Variants in NDUFAF6 observed in about 807,000 individuals in gnomAD.
NDUFAF6 encodes NADH dehydrogenase (ubiquinone) complex I, assembly factor 6.
A neutral mutation model predicts 40.8 loss-of-function variants in NDUFAF6; 45 were observed. The observed-to-expected ratio is 1.10, with a 90% CI of 0.87 to 1.42. The LOEUF is 1.42. NDUFAF6 is among the 40% of genes most tolerant of loss of function. The pLI, the probability that NDUFAF6 is intolerant of heterozygous loss-of-function variation, is 0.00. For missense variants in NDUFAF6, 435 were observed against 418.5 expected (o/e 1.04, Z -0.34); for synonymous variants, 185 against 155.9 (o/e 1.19, Z -1.39).
At chr8:95,048,378 G>A in intron 6 of NDUFAF6, 79 bp from the exon 7 acceptor site, 1 of 993,588 alleles carries the variant, frequency 1.0e-6, no homozygotes, top group East Asian at 2.5e-5. Flanking sequence ...TTAATTGTTA[G>A]TTTAATTTTC....
intron 1 of NDUFAF6, 63 bp from the exon 2 acceptor site, chr8:95,031,932 C>T (rs1292387878): frequency 6.8e-7 from 1 of 1,472,030 alleles, no homozygotes; most frequent in Non-Finnish European, 9.5e-7. Context: ...TAATTTTAGT[C>T]AGTATTTTTT....
At chr8:94,967,940 C>CAA (rs56332377) in intron 1 of NDUFAF6, among the ~76,000 whole-genome samples, 13 of 134,840 alleles carry the variant, frequency 9.6e-5, no homozygotes, top group African/African-American at 3.2e-4. Context: ...GACTCTGTCT[C>CAA]AAAAAAAAAA....
intron 1 of NDUFAF6, among the ~76,000 whole-genome samples, chr8:94,897,001 C>T (rs1295431149): frequency 6.6e-6 from 1 of 152,162 alleles, no homozygotes; most frequent in African/African-American, 2.4e-5. Flanking sequence ...GCAGAAGTTG[C>T]CTCCCTTTTG....
At chr8:94,947,075 C>T (rs1051388084) in intron 2 of NDUFAF6, among the ~76,000 whole-genome samples, 1 of 151,984 alleles carries the variant, frequency 6.6e-6, no homozygotes, top group South Asian at 2.1e-4. Context: ...ATGAGGAAAC[C>T]GAGGCTGAGG....
At chr8:94,927,152 A>G (rs1479938438) in intron 1 of NDUFAF6, 1 of 152,658 alleles carries the variant, frequency 6.6e-6, no homozygotes, top group Non-Finnish European at 1.5e-5. Flanking sequence ...ATTTAAATGT[A>G]AATATCTGTC....
chr8:95,111,533 C>G (rs996925023), intron 4 of NDUFAF6, among the ~76,000 whole-genome samples: 1 of 152,184 alleles, frequency 6.6e-6, no homozygotes, highest in Non-Finnish European at 1.5e-5. Flanking sequence ...GCTGTTTAGC[C>G]ATTTGCTTGT....
At chr8:95,094,360 C>CTTTCT (rs1236551468) in intron 2 of NDUFAF6, among the ~76,000 whole-genome samples, 1 of 128,476 alleles carries the variant, frequency 7.8e-6, no homozygotes, top group African/African-American at 2.9e-5. Context: ...TTCTTTCCTT[C>CTTTCT]TTTCTTTTCT....
chr8:94,930,474 A>C (rs1820281823), intron 1 of NDUFAF6: 2 of 1,613,132 alleles, frequency 1.2e-6, no homozygotes, highest in African/African-American at 2.7e-5. Context: ...CAAAACTTGA[A>C]ACTATTAGTA....
At chr8:94,967,975 T>G (rs1264205969) in intron 1 of NDUFAF6, among the ~76,000 whole-genome samples, 1 of 149,030 alleles carries the variant, frequency 6.7e-6, no homozygotes, top group African/African-American at 2.5e-5. Context: ...GGGGCTACAG[T>G]CATCTTAAGG....
chr8:94,953,468 T>C (rs778625490), upstream of NDUFAF6, among the ~76,000 whole-genome samples: 5 of 152,140 alleles, frequency 3.3e-5, no homozygotes, highest in Non-Finnish European at 7.4e-5. Context: ...CAAGGAGCCA[T>C]GAAGCTTGAA....
At chr8:95,083,648 T>C (rs1299720619) in intron 2 of NDUFAF6, among the ~76,000 whole-genome samples, 1 of 152,196 alleles carries the variant, frequency 6.6e-6, no homozygotes, top group Admixed American at 6.5e-5. Flanking sequence ...TTTAAAACCT[T>C]ATGATGCAGT....
intron 1 of NDUFAF6, among the ~76,000 whole-genome samples, chr8:94,968,482 G>C (rs1256405484): frequency 1.3e-5 from 2 of 152,228 alleles, no homozygotes; most frequent in African/African-American, 2.4e-5. Flanking sequence ...GGCATCTGTG[G>C]AAGAGCATTC....
intron 2 of NDUFAF6, among the ~76,000 whole-genome samples, chr8:95,090,625 C>G (rs1809218261): frequency 6.6e-6 from 1 of 152,104 alleles, no homozygotes; most frequent in African/African-American, 2.4e-5. Flanking sequence ...TTGTTTAATA[C>G]TAGGAGGGTG....
At chr8:94,904,046 G>A (rs1053502435) in intron 1 of NDUFAF6, among the ~76,000 whole-genome samples, 11 of 152,208 alleles carry the variant, frequency 7.2e-5, no homozygotes, top group African/African-American at 2.6e-4. Context: ...CCTAAATCTA[G>A]GTCTGTGAAC....
chr8:95,091,435 A>G (rs951537953), intron 2 of NDUFAF6, among the ~76,000 whole-genome samples: 1 of 152,064 alleles, frequency 6.6e-6, no homozygotes, highest in Non-Finnish European at 1.5e-5. Flanking sequence ...CCCACAAGGT[A>G]TCTCCCTAGA....
At chr8:95,036,029 G>T (rs1411761934) in intron 3 of NDUFAF6, among the ~76,000 whole-genome samples, 1 of 152,220 alleles carries the variant, frequency 6.6e-6, no homozygotes, top group Non-Finnish European at 1.5e-5. Flanking sequence ...CTTGCTCTCA[G>T]TGTTGTCCAG....
upstream of NDUFAF6, among the ~76,000 whole-genome samples, chr8:95,020,038 A>C (rs7815380): frequency 1.6e-3 from 248 of 152,268 alleles, no homozygotes; most frequent in African/African-American, 5.7e-3. Context: ...GTCTCTACTA[A>C]AAATACAAAA....
chr8:94,940,145 G>C, intron 1 of NDUFAF6: 1 of 1,614,154 alleles, frequency 6.2e-7, no homozygotes, highest in Non-Finnish European at 8.5e-7. Flanking sequence ...AAAGACTGAA[G>C]GGTGCTCAGT....
At chr8:95,000,538 G>T (rs550322145) in intron 2 of NDUFAF6, among the ~76,000 whole-genome samples, 1 of 150,320 alleles carries the variant, frequency 6.7e-6, no homozygotes, top group African/African-American at 2.5e-5. Flanking sequence ...ATTAGAATTA[G>T]ATAAGATATG....
Sources: gnomAD v4.1 joint callset for allele counts (sites outside exome capture counted in the v4.1 genomes callset) on GRCh38, gnomAD v4.1.1 for gene constraint, MANE v1.5 for transcripts, NCBI Gene and HGNC (gene_info 2026-07-23, HGNC 2026-07-21) for gene names.